SYT16: variants seen among roughly 807,000 people sequenced by gnomAD.
SYT16 encodes synaptotagmin-16.
SYT16 carries 42 observed loss-of-function variants against 61.4 expected under a neutral mutation model. The observed-to-expected ratio is 0.68, with a 90% CI of 0.53 to 0.89. The LOEUF is 0.89. SYT16 is among the 40% of genes least tolerant of loss of function. The pLI is 0.00. For missense variants in SYT16, 804 were observed against 807.3 expected (o/e 1.00, Z 0.05); for synonymous variants, 314 against 302.3 (o/e 1.04, Z -0.40).
chr14:61,854,439 C>T (rs571785171), intron 1 of SYT16, among the ~76,000 whole-genome samples: 315 of 152,336 alleles, frequency 2.1e-3, no homozygotes, highest in Non-Finnish European at 3.5e-3. Context: ...CACGCGCGCA[C>T]GCGCGTGCAC....
At chr14:61,839,638 A>G (rs2046241242) in intron 1 of SYT16, among the ~76,000 whole-genome samples, 2 of 152,166 alleles carry the variant, frequency 1.3e-5, no homozygotes, top group African/African-American at 4.8e-5. Context: ...AGAGTGATGC[A>G]CGTTTTGGAA....
At chr14:61,823,618 G>T (rs1250769361) in intron 1 of SYT16, among the ~76,000 whole-genome samples, 1 of 151,644 alleles carries the variant, frequency 6.6e-6, no homozygotes, top group Non-Finnish European at 1.5e-5. Flanking sequence ...TAGGTGTGGT[G>T]GTGCACACCT....
intron 3 of SYT16, among the ~76,000 whole-genome samples, chr14:62,010,369 A>G (rs1388123959): frequency 6.6e-6 from 1 of 152,194 alleles, no homozygotes; most frequent in Non-Finnish European, 1.5e-5. Context: ...ATTTTATAGG[A>G]TGATCTCTCT....
chr14:61,854,432 G>C (rs963113061), intron 1 of SYT16, among the ~76,000 whole-genome samples: 1 of 152,010 alleles, frequency 6.6e-6, no homozygotes, highest in Non-Finnish European at 1.5e-5. Flanking sequence ...ACACACACAC[G>C]CGCGCACGCG....
At chr14:61,885,382 G>C (rs1050923023) in intron 1 of SYT16, among the ~76,000 whole-genome samples, 2 of 71,094 alleles carry the variant, frequency 2.8e-5, no homozygotes, top group African/African-American at 1.2e-4. Flanking sequence ...TGGCAGATAT[G>C]ATGATGATGA....
intron 3 of SYT16, among the ~76,000 whole-genome samples, chr14:62,065,695 C>T (rs191014230): frequency 3.2e-4 from 48 of 152,254 alleles, no homozygotes; most frequent in African/African-American, 1.1e-3. Flanking sequence ...GTTGTCTAAT[C>T]CAGACACCCC....
At chr14:61,914,421 T>G (rs1566676016) in intron 1 of SYT16, among the ~76,000 whole-genome samples, 2 of 152,186 alleles carry the variant, frequency 1.3e-5, no homozygotes, top group Admixed American at 1.3e-4. Context: ...GACTCTCTAT[T>G]TTTATCTCCA....
At chr14:61,959,907 T>G (rs2051046540) in intron 1 of SYT16, among the ~76,000 whole-genome samples, 1 of 152,088 alleles carries the variant, frequency 6.6e-6, no homozygotes, top group Non-Finnish European at 1.5e-5. Flanking sequence ...ATGGGTTCAC[T>G]GCAGCCTTGA....
chr14:61,845,097 G>T (rs563014559), intron 1 of SYT16, among the ~76,000 whole-genome samples: 27 of 144,882 alleles, frequency 1.9e-4, no homozygotes, highest in Non-Finnish European at 2.8e-4. Context: ...ACCCCAGCTG[G>T]AGTGCAGTGG....
chr14:61,868,751 A>G (rs908809003), intron 1 of SYT16, among the ~76,000 whole-genome samples: 3 of 151,994 alleles, frequency 2.0e-5, no homozygotes, highest in Admixed American at 6.5e-5. Context: ...TGTTCACTTT[A>G]TAAGAATATT....
chr14:61,876,462 C>T (rs2047498161), intron 1 of SYT16, among the ~76,000 whole-genome samples: 2 of 152,110 alleles, frequency 1.3e-5, no homozygotes, highest in South Asian at 2.1e-4. Context: ...GACTTGTGTT[C>T]GGATGGGAGG....
At chr14:61,939,530 A>G (rs1323489309) in intron 1 of SYT16, among the ~76,000 whole-genome samples, 2 of 152,142 alleles carry the variant, frequency 1.3e-5, no homozygotes, top group African/African-American at 2.4e-5. Context: ...TGGGCTCTAC[A>G]TGGCCATCTC....
chr14:62,017,387 A>G (rs1287481592), intron 3 of SYT16, among the ~76,000 whole-genome samples: 1 of 152,182 alleles, frequency 6.6e-6, no homozygotes, highest in African/African-American at 2.4e-5. Context: ...TGACAAATCT[A>G]TAAACTATGC....
At chr14:61,946,813 T>G (rs1320176418) in intron 1 of SYT16, among the ~76,000 whole-genome samples, 1 of 152,126 alleles carries the variant, frequency 6.6e-6, no homozygotes, top group Non-Finnish European at 1.5e-5. Flanking sequence ...GAGAAATGGT[T>G]GAAGAAACTG....
chr14:61,926,607 G>A (rs547906165), intron 1 of SYT16, among the ~76,000 whole-genome samples: 54 of 152,306 alleles, frequency 3.5e-4, no homozygotes, highest in Non-Finnish European at 7.2e-4. Flanking sequence ...AAGAGATACT[G>A]CTTTTCTGTA....
intron 3 of SYT16, among the ~76,000 whole-genome samples, chr14:62,051,269 C>G (rs2055278666): frequency 6.6e-6 from 1 of 152,254 alleles, no homozygotes; most frequent in African/African-American, 2.4e-5. Context: ...ACCCTCCGAG[C>G]CATGTGCGGG....
intron 3 of SYT16, among the ~76,000 whole-genome samples, chr14:62,001,951 C>G (rs1229032785): frequency 6.6e-6 from 1 of 152,184 alleles, no homozygotes. Context: ...TTCAGTCCCT[C>G]TGCTCATCAC....
At chr14:61,930,051 A>G (rs1177094421) in intron 1 of SYT16, among the ~76,000 whole-genome samples, 1 of 152,126 alleles carries the variant, frequency 6.6e-6, no homozygotes, top group Non-Finnish European at 1.5e-5. Context: ...CTTGAGAATA[A>G]TCCTTCCTGA....
Position 62,000,098 on chromosome 14 carries a change from GATTTTT to G in SYT16, c.523+3557_523+3562del, listed in dbSNP as rs1374176662. Reference sequence around the variant, plus strand: ...TTTTCTAATACTTATTTTGTCTCTCGATTTTTTTTTTTTTTTTTTTTTTTTTTTTTA... The same window carrying G: ...TTTTCTAATACTTATTTTGTCTCTCGTTTTTTTTTTTTTTTTTTTTTTTTA... On this transcript the variant is annotated intron_variant, in intron 3 of 7. Transcript: ENST00000683842. Among the ~76,000 whole-genome samples, 106 of 35,514 alleles carry G rather than the reference GATTTTT, an allele frequency of 3.0e-3. 4 individuals carry two copies. The highest frequency in any genetic ancestry group is 0.037 in the Middle Eastern group (2 of 54). The allele number at this position is 35,514 out of a possible 152,430, so 23.3% of individuals were successfully genotyped here.
Sources: gnomAD v4.1 joint callset for allele counts (sites outside exome capture counted in the v4.1 genomes callset) on GRCh38, gnomAD v4.1.1 for gene constraint, MANE v1.5 for transcripts, NCBI Gene and HGNC (gene_info 2026-07-23, HGNC 2026-07-21) for gene names.